The following OPRM1 variants were observed in gnomAD, a reference collection of about 807,000 sequenced individuals.
OPRM1 encodes opioid receptor mu 1.
Under a neutral mutation model 31.8 loss-of-function variants are expected in OPRM1, and 27 were observed. That is an observed-to-expected ratio of 0.85 (90% CI 0.63 to 1.17). The LOEUF (loss-of-function observed/expected upper bound fraction) is 1.17, where lower values mean the gene tolerates loss of function less well. OPRM1 is among the 50% of genes most tolerant of loss of function. The pLI, the probability that OPRM1 is intolerant of heterozygous loss-of-function variation, is 0.00. For synonymous variants in OPRM1, 196 were observed against 189.9 expected (o/e 1.03, Z -0.26); for missense variants, 536 against 511.1 (o/e 1.05, Z -0.47).
At position 154,017,268 on chromosome 6, in the gene OPRM1, G is replaced by A. The variant is rs115817105; in HGVS notation, c.-1+6250G>A. On this transcript the variant is annotated intron_variant, in intron 1 of 5. Transcript: ENST00000434900. Reference sequence around the variant, plus strand: ...TACTAGTGCCTGACAAATAGGTGATGCCTGATAAATATTTGTTAAGTAAAT... The same window carrying A: ...TACTAGTGCCTGACAAATAGGTGATACCTGATAAATATTTGTTAAGTAAAT... Among the ~76,000 whole-genome samples, 478 of 152,254 alleles carry A rather than the reference G, an allele frequency of 3.1e-3. 2 individuals are homozygous for A. The highest frequency in any genetic ancestry group is 0.011 in the African/African-American group (465 of 41,534).
In OPRM1 at chr6:154,089,868, C is replaced by G; in HGVS notation, c.333C>G (p.Asn111Lys). ...MKTATNIYIF[N>K]LALADALATS... is the part of the protein sequence containing the mutation. ...CTGCCACCAACATCTACATTTTCAA[C>G]CTTGCTCTGGCAGATGCCTTAGCCA... Residue 111 changes from asparagine (N) to lysine (K), a missense_variant, in exon 2 of 4, where the codon AAC becomes AAG. Physicochemically the swap from Asn to Lys is moderately conservative, Grantham distance 94. Transcript: ENST00000330432. 1 of 1,613,956 alleles carries G rather than the reference C, an allele frequency of 6.2e-7. No individual in the cohort carries two copies. Among genetic ancestry groups the G allele is most frequent in the South Asian group, 1.1e-5 (1 of 91,044 alleles).
rs562399896 is a variant in OPRM1, at chr6:154,245,008, A to G, written c.1165-1685A>G. On this transcript the variant is annotated intron_variant, in intron 3 of 3. Transcript: ENST00000337049. ...CCCCAAAACAAAGGCCTGAAATAATATGAGACAAGAAAGAGACATTTATAT... is the reference window on the plus strand; with the variant it reads ...CCCCAAAACAAAGGCCTGAAATAATGTGAGACAAGAAAGAGACATTTATAT... 3.3e-5 allele frequency among the ~76,000 whole-genome samples: 5 copies of G among 152,320 alleles called. No individual in the cohort carries two copies. In the South Asian group the frequency reaches 1.0e-3, roughly 32 times the overall value.
chr6:154,215,336 C>T (rs527693678), intron 3 of OPRM1, among the ~76,000 whole-genome samples: 3 of 152,208 alleles, frequency 2.0e-5, no homozygotes, highest in South Asian at 4.1e-4. Flanking sequence ...ATGCCGGGAG[C>T]GGTGGTTCAT....
At chr6:154,181,301 A>G (rs1423048440) in intron 3 of OPRM1, among the ~76,000 whole-genome samples, 1 of 152,186 alleles carries the variant, frequency 6.6e-6, no homozygotes, top group Non-Finnish European at 1.5e-5. Context: ...AGAGATAACG[A>G]TCATACATTG....
intron 3 of OPRM1, chr6:154,093,480 T>C (rs1792782676): frequency 6.2e-7 from 1 of 1,610,828 alleles, no homozygotes. Flanking sequence ...GACACTGCCC[T>C]TGACTCCCTT....
chr6:154,186,044 A>C (rs1801315892), intron 3 of OPRM1, among the ~76,000 whole-genome samples: 4 of 152,124 alleles, frequency 2.6e-5, no homozygotes, highest in Admixed American at 2.6e-4. Context: ...CTCAGCCCTG[A>C]CCTCTTCCTT....
chr6:154,179,681 T>C (rs530732748), intron 3 of OPRM1, among the ~76,000 whole-genome samples: 53 of 152,320 alleles, frequency 3.5e-4, no homozygotes, highest in Non-Finnish European at 5.6e-4. Flanking sequence ...AAGTGTTTTG[T>C]CAAGGAAGAT....
intron 3 of OPRM1, among the ~76,000 whole-genome samples, chr6:154,165,645 C>T (rs1456522303): frequency 2.0e-5 from 3 of 152,216 alleles, no homozygotes; most frequent in Non-Finnish European, 4.4e-5. Context: ...CAGCCCTGAG[C>T]GGGCCCCCAA....
chr6:154,195,583 C>T (rs1013939239), intron 3 of OPRM1, among the ~76,000 whole-genome samples: 6 of 152,114 alleles, frequency 3.9e-5, no homozygotes, highest in South Asian at 2.1e-4. Flanking sequence ...CCTTTACCCA[C>T]GCCTCCCTTC....
chr6:154,090,220 C>A (rs541795843), intron 2 of OPRM1, 42 bp downstream of exon 2: 4 of 1,336,412 alleles, frequency 3.0e-6, no homozygotes, highest in South Asian at 2.5e-5. Context: ...GGTTCACAGC[C>A]TGATATGTTG....
intron 3 of OPRM1, among the ~76,000 whole-genome samples, chr6:154,243,617 T>C (rs993042524): frequency 7.9e-5 from 12 of 151,944 alleles, no homozygotes; most frequent in African/African-American, 2.9e-4. Context: ...CAAAGGAGAG[T>C]TGCCCTAAAT....
intron 3 of OPRM1, chr6:154,199,785 T>C (rs1202951759): frequency 6.2e-7 from 1 of 1,614,252 alleles, no homozygotes; most frequent in Admixed American, 1.7e-5. Context: ...CTTTCTGATG[T>C]GACAAAACTG....
intron 3 of OPRM1, chr6:154,200,166 T>A: frequency 1.2e-6 from 1 of 822,152 alleles, no homozygotes; most frequent in South Asian, 1.9e-5. Context: ...AATAAAAGAG[T>A]CAAAAGGTAA....
At chr6:154,116,342 T>C (rs1796870906) in intron 3 of OPRM1, among the ~76,000 whole-genome samples, 1 of 152,060 alleles carries the variant, frequency 6.6e-6, no homozygotes. Context: ...ATCCCACCAT[T>C]TTGAAGGCCG....
At chr6:154,099,886 ATAT>A (rs1400490049) in intron 3 of OPRM1, among the ~76,000 whole-genome samples, 28 of 145,380 alleles carry the variant, frequency 1.9e-4, no homozygotes, top group African/African-American at 4.0e-4. Context: ...ATATCATAAC[ATAT>A]TATATATTAT....
intron 3 of OPRM1, among the ~76,000 whole-genome samples, chr6:154,104,816 G>T (rs889555524): frequency 1.3e-5 from 2 of 152,150 alleles, no homozygotes; most frequent in Admixed American, 1.3e-4. Flanking sequence ...GGAATTTCAG[G>T]TAAGATCTTT....
chr6:154,187,460 T>G lies in OPRM1; in HGVS notation c.1165-59233T>G, dbSNP rs543326739. Among the ~76,000 whole-genome samples the G allele has an allele frequency of 2.0e-5, 3 of 152,314 alleles. No individual in the cohort carries two copies. The East Asian group carries it at 5.8e-4, about 29-fold the overall frequency. On this transcript the variant is annotated intron_variant, in intron 3 of 3. Coordinates refer to the OPRM1 transcript ENST00000337049. ...ATGGTGCTTGGCATATAAAAAGCAC[T>G]TGACAAATATTGTTGAATGAATGGA... is the stretch of plus-strand genomic sequence containing the variant.
chr6:154,211,251 C>T (rs1209278125), intron 3 of OPRM1, among the ~76,000 whole-genome samples: 3 of 152,096 alleles, frequency 2.0e-5, no homozygotes, highest in South Asian at 2.1e-4. Flanking sequence ...CCCGTCTCTA[C>T]TAAAAATACA....
chr6:154,200,274 C>A (rs1305496739), intron 3 of OPRM1, among the ~76,000 whole-genome samples: 1 of 152,228 alleles, frequency 6.6e-6, no homozygotes, highest in Non-Finnish European at 1.5e-5. Context: ...TCTGAAAAAT[C>A]TCCTTATCAT....
Sources: gnomAD v4.1 joint callset for allele counts (sites outside exome capture counted in the v4.1 genomes callset) on GRCh38, gnomAD v4.1.1 for gene constraint, MANE v1.5 for transcripts, NCBI Gene and HGNC (gene_info 2026-07-23, HGNC 2026-07-21) for gene names.